ARAP1: variants seen among roughly 807,000 people sequenced by gnomAD.
ARAP1 encodes the protein arf-GAP with Rho-GAP domain, ANK repeat and PH domain-containing protein 1.
A neutral mutation model predicts 172.2 loss-of-function variants in ARAP1; 76 were observed. That is an observed-to-expected ratio of 0.44 (90% confidence interval 0.37 to 0.53). The LOEUF (loss-of-function observed/expected upper bound fraction) is 0.53. Among genes scored for constraint, ARAP1 ranks in the 20% least tolerant of loss-of-function variants. The pLI, the probability that ARAP1 is intolerant of heterozygous loss-of-function variation, is 0.00. For synonymous variants in ARAP1, 804 were observed against 803.3 expected (o/e 1.00, Z -0.01); for missense variants, 1,686 against 1,977.5 (o/e 0.85, Z 2.80).
intron 22 of ARAP1, 49 bp from the exon 23 acceptor site, chr11:72,696,703 C>T (rs1418662875): frequency 1.4e-6 from 2 of 1,475,418 alleles, no homozygotes; most frequent in Non-Finnish European, 1.8e-6. Context: ...AACTATCTTC[C>T]CCCCACCCCG....
chr11:72,713,574 G>A (rs936783625), intron 4 of ARAP1, among the ~76,000 whole-genome samples: 1 of 152,100 alleles, frequency 6.6e-6, no homozygotes. Flanking sequence ...CTGGCCAGGC[G>A]CGGTGGCTCA....
In ARAP1 at chr11:72,693,756, C is replaced by T. The variant is rs754763767; in HGVS notation, c.3744G>A (p.Leu1248=). 2 of 1,610,088 alleles carry T rather than the reference C, an allele frequency of 1.2e-6. No individual in the cohort carries two copies. Among genetic ancestry groups the T allele is most frequent in the Non-Finnish European group, 1.7e-6 (2 of 1,178,322 alleles). Residue 1248 remains leucine, a synonymous_variant, in exon 28 of 35, where the codon CTG becomes CTA. Coordinates refer to ENST00000393609, the MANE Select transcript of ARAP1 (RefSeq NM_001040118.3). The surrounding 1 kb of genome is among the most constrained non-coding windows in gnomAD (Gnocchi z 4.6). ...AEKVLPILHG[L]GTDSHLVVKK... ...TCACCACCAGGTGGCTGTCCGTGCC[C>T]AGCCCGTGCAGGATGGGCAGCACCT...
Position 72,685,631 on chromosome 11 carries a change from C to T in ARAP1, c.*33G>A. The T allele has an allele frequency of 2.5e-6, 4 of 1,614,062 alleles. No individual in the cohort carries two copies. Among genetic ancestry groups the T allele is most frequent in the Non-Finnish European group, 2.5e-6 (3 of 1,179,928 alleles). On this transcript the variant is annotated 3_prime_UTR_variant, in exon 35 of 35. Transcript: ENST00000393609. ...TGTCTGAACAGAAGGCTTCCAGCGG[C>T]GGAATCCTAGAGCCAAGGATGGGCT... is the stretch of plus-strand genomic sequence containing the variant.
chr11:72,722,359 C>T, intron 3 of ARAP1: 1 of 985,548 alleles, frequency 1.0e-6, no homozygotes. Flanking sequence ...AGCGAAAAGT[C>T]ACCCAGAATC....
At chr11:72,737,805 G>A (rs1039967663) in intron 1 of ARAP1, among the ~76,000 whole-genome samples, 1 of 152,106 alleles carries the variant, frequency 6.6e-6, no homozygotes, top group South Asian at 2.1e-4. Context: ...TGTACTTTTT[G>A]TAGAGATGGG....
intron 21 of ARAP1, 49 bp downstream of exon 21, chr11:72,697,274 G>A: frequency 6.3e-7 from 1 of 1,586,798 alleles, no homozygotes; most frequent in Non-Finnish European, 8.6e-7. Context: ...TGGGGCGGGA[G>A]GCGGCTCTCC....
chr11:72,696,536 T>C lies in ARAP1; in HGVS notation c.3272+13A>G, dbSNP rs767621584. The C allele has an allele frequency of 2.7e-5, 41 of 1,507,318 alleles. No individual in the cohort carries two copies. The highest frequency in any genetic ancestry group is 3.6e-4 in the Middle Eastern group (2 of 5,624). The allele number at this position is 1,507,318 out of a possible 1,614,324, so 93.4% of individuals were successfully genotyped here. On this transcript the variant is annotated intron_variant, in intron 23 of 34. Coordinates refer to ENST00000393609, the MANE Select transcript of ARAP1 (RefSeq NM_001040118.3). ...CCATCCCCCCAGAATCTCACAATGG[T>C]ATCGTCCCTCACCAGTACAGGTGGC...
In ARAP1 at chr11:72,693,460, G is replaced by A. The variant is rs775177903; in HGVS notation, c.3819C>T (p.Val1273=). 31 of 1,612,852 alleles carry A rather than the reference G, an allele frequency of 1.9e-5. No homozygotes were observed. The highest frequency in any genetic ancestry group is 3.3e-4 in the Middle Eastern group (2 of 6,050). ...TCATCATGCCATGCTTGGTGTCACC[G>A]ACACGGCTGGCTGGGGGGTGGGACT... The part of the protein sequence containing the change: ...EAMLLYLASR[V]GDTKHGMMKF... The change falls in exon 29 of 35, where the codon GTC becomes GTT. Residue 1273 remains valine (V), a synonymous_variant. Transcript: ENST00000393609. This position sits in a 1 kb window ranked among gnomAD's most constrained non-coding sequence, Gnocchi z 4.6.
chr11:72,689,173 G>A (rs759656118), intron 30 of ARAP1, among the ~76,000 whole-genome samples: 6 of 152,312 alleles, frequency 3.9e-5, no homozygotes, highest in Non-Finnish European at 7.3e-5. Context: ...GTCAGGAAGC[G>A]AGAGACCAAT....
chr11:72,741,264 C>T lies in ARAP1; in HGVS notation c.-127-8667G>A, dbSNP rs1858190728. On this transcript the variant is annotated intron_variant, in intron 1 of 34. Coordinates refer to ENST00000393609, the MANE Select transcript of ARAP1 (RefSeq NM_001040118.3). The surrounding 1 kb of genome is among the most constrained non-coding windows in gnomAD (Gnocchi z 4.5). ...CTGCCTCTGCCCCCTGCAACCAGGA[C>T]ATACTCTAGCCCACCGGGCTCATCT... Among the ~76,000 whole-genome samples the T allele has an allele frequency of 6.6e-6, 1 of 152,042 alleles. No individual in the cohort carries two copies. The highest frequency in any genetic ancestry group is 2.4e-5 in the African/African-American group (1 of 41,402).
chr11:72,694,902 G>T (rs1336768701), intron 27 of ARAP1, 78 bp downstream of exon 27: 2 of 1,269,180 alleles, frequency 1.6e-6, no homozygotes, highest in Non-Finnish European at 2.3e-6. Flanking sequence ...CATGTGCAGG[G>T]TAGGGGAGGA....
intron 7 of ARAP1, among the ~76,000 whole-genome samples, 195 bp from the exon 8 acceptor site, chr11:72,711,694 C>CT (rs58109830): frequency 0.28 from 32,607 of 118,504 alleles, 5,188 homozygotes; most frequent in African/African-American, 0.3. Context: ...TAGCACATCT[C>CT]TTTTTTTTTT....
chr11:72,711,414 C>G lies in ARAP1; in HGVS notation c.1092+16G>C. 1 of 1,610,810 alleles carries G rather than the reference C, an allele frequency of 6.2e-7. No individual in the cohort carries two copies. The highest frequency in any genetic ancestry group is 2.2e-5 in the East Asian group (1 of 44,752). On this transcript the variant is annotated intron_variant, in intron 8 of 34. Coordinates refer to ENST00000393609, the MANE Select transcript of ARAP1 (RefSeq NM_001040118.3). Reference sequence around the variant, plus strand: ...GGCTGGAGCAGGGGTCGCGTCAGGACTGATGCAGGCCTCACCTTGTTACTG... The same window carrying G: ...GGCTGGAGCAGGGGTCGCGTCAGGAGTGATGCAGGCCTCACCTTGTTACTG...
chr11:72,699,228 G>A lies in ARAP1; in HGVS notation c.2439-121C>T. 7.2e-7 allele frequency: 1 copy of A among 1,387,852 alleles called. No individual in the cohort carries two copies. The highest frequency in any genetic ancestry group is 1.2e-5 in the South Asian group (1 of 80,218). 86.0% of individuals were successfully genotyped at this position (1,387,852 alleles called of 1,614,324 possible). ...CTGCCTTGGCGCTTGTCCTTATTCT[G>A]GTCCCCTAAGAGGTGGTGGAAAAGT... On this transcript the variant is annotated intron_variant, in intron 17 of 34. Transcript: ENST00000393609. The surrounding 1 kb of genome is among the most constrained non-coding windows in gnomAD (Gnocchi z 4.2).
chr11:72,713,096 TG>T (rs1337125248), intron 5 of ARAP1, 79 bp downstream of exon 5: 2 of 1,438,018 alleles, frequency 1.4e-6, no homozygotes, highest in Non-Finnish European at 9.7e-7. Flanking sequence ...ACTCTCTGTC[TG>T]GTAGTCCTCA....
chr11:72,696,944 TGGA>T (rs1261008807), intron 22 of ARAP1, 36 bp downstream of exon 22: 11 of 1,568,554 alleles, frequency 7.0e-6, no homozygotes, highest in African/African-American at 4.0e-5. Flanking sequence ...GAGGGATGGG[TGGA>T]GGAGGAGGAG....
intron 23 of ARAP1, among the ~76,000 whole-genome samples, chr11:72,696,109 T>C (rs1412796914): frequency 1.3e-5 from 2 of 151,740 alleles, no homozygotes; most frequent in African/African-American, 4.8e-5. Context: ...TCCCCAACAG[T>C]TCTGGCAGAA....
rs1197839221 is a variant in ARAP1, at chr11:72,704,168, T to C, written c.1976A>G (p.Gln659Arg). The C allele has an allele frequency of 1.9e-6, 3 of 1,614,130 alleles. No individual in the cohort carries two copies. In the African/African-American group the frequency reaches 4.0e-5, roughly 22 times the overall value. The part of the protein sequence containing the change: ...YRRYHPLFGN[Q>R]EELDKALCAA... ...TGCCCTGACCTTGTCCAGCTCCTCC[T>C]GGTTGCCAAAGAGCGGGTGGTAGCG... The change falls in exon 14 of 35, where the codon CAG (glutamine) becomes CGG (arginine). Residue 659 changes from glutamine (Q) to arginine (R), a missense_variant. By Grantham distance (43) the Gln-to-Arg change is conservative. This residue lies in a region of ARAP1 where 688 missense variants were observed against 856.9 expected (regional missense o/e 0.80). Coordinates refer to ENST00000393609, the MANE Select transcript of ARAP1 (RefSeq NM_001040118.3).
At chr11:72,744,168 C>G (rs1326033662) in intron 1 of ARAP1, among the ~76,000 whole-genome samples, 1 of 152,168 alleles carries the variant, frequency 6.6e-6, no homozygotes, top group Non-Finnish European at 1.5e-5. Context: ...GTGTGTGTCA[C>G]CATCTGTGAC....
Sources: allele counts gnomAD v4.1 joint callset (sites outside exome capture counted in the v4.1 genomes callset), GRCh38; gene constraint gnomAD v4.1.1; regional missense constraint gnomAD v4.1.1; non-coding constraint Gnocchi (gnomAD v3.1); transcripts MANE v1.5; gene names NCBI Gene and HGNC (gene_info 2026-07-23, HGNC 2026-07-21).